TGFA: variants seen among roughly 807,000 people sequenced by gnomAD.
TGFA encodes the protein protransforming growth factor alpha.
A neutral mutation model predicts 21.7 loss-of-function variants in TGFA; 12 were observed. The ratio of observed to expected loss-of-function variants is 0.55; its 90% CI spans 0.35 to 0.90. The LOEUF (loss-of-function observed/expected upper bound fraction) is 0.90, where lower values mean the gene tolerates loss of function less well. TGFA is among the 40% of genes least tolerant of loss of function. The pLI is 0.01. For missense variants in TGFA, 178 were observed against 210.8 expected (o/e 0.84, Z 0.96); for synonymous variants, 79 against 88.1 (o/e 0.90, Z 0.58).
In TGFA at chr2:70,453,204, AAG is replaced by A. The variant is rs1553489935; in HGVS notation, c.475+12_475+13del. On this transcript the variant is annotated intron_variant, in intron 5 of 5. Coordinates refer to ENST00000295400, the MANE Select transcript of TGFA (RefSeq NM_003236.4). ...CACCCAATAGTGTCTCCCACCAGAG[AAG>A]AGTCTCCTTACCTGTTTCTGAGTGG... 23 of 1,609,368 alleles carry A rather than the reference AAG, an allele frequency of 1.4e-5. No individual in the cohort carries two copies. The highest frequency in any genetic ancestry group is 2.0e-5 in the Non-Finnish European group (23 of 1,176,066).
At chr2:70,493,031 C>T (rs1425890713) in intron 2 of TGFA, among the ~76,000 whole-genome samples, 1 of 152,110 alleles carries the variant, frequency 6.6e-6, no homozygotes, top group Admixed American at 6.5e-5. Flanking sequence ...ATGAAAACTA[C>T]ATGTATATAT....
intron 1 of TGFA, among the ~76,000 whole-genome samples, chr2:70,527,644 AT>A (rs1672679304): frequency 6.6e-6 from 1 of 152,260 alleles, no homozygotes; most frequent in Non-Finnish European, 1.5e-5. Context: ...TTAGTTAATA[AT>A]GTACCAAAAT....
chr2:70,456,992 T>C (rs1353611092), intron 3 of TGFA, among the ~76,000 whole-genome samples: 3 of 152,212 alleles, frequency 2.0e-5, no homozygotes, highest in African/African-American at 7.2e-5. Flanking sequence ...TCAGCATGAC[T>C]ACCTGGTCAT....
intron 2 of TGFA, among the ~76,000 whole-genome samples, chr2:70,476,990 T>A (rs1670954651): frequency 6.6e-6 from 1 of 152,254 alleles, no homozygotes; most frequent in Admixed American, 6.5e-5. Flanking sequence ...CGCAATTATT[T>A]TTTTTTATAA....
intron 4 of TGFA, among the ~76,000 whole-genome samples, chr2:70,456,123 C>CAG (rs1268777960): frequency 1.3e-5 from 2 of 152,372 alleles, no homozygotes; most frequent in Admixed American, 1.3e-4. Flanking sequence ...ACCAACCCCC[C>CAG]AGCTGGGGAT....
At chr2:70,484,048 A>G (rs1287014782) in intron 2 of TGFA, among the ~76,000 whole-genome samples, 1 of 152,182 alleles carries the variant, frequency 6.6e-6, no homozygotes, top group Non-Finnish European at 1.5e-5. Flanking sequence ...TTGTGGGATC[A>G]CATGTGGTTT....
chr2:70,512,850 C>T (rs569993397), intron 2 of TGFA, among the ~76,000 whole-genome samples: 1 of 152,340 alleles, frequency 6.6e-6, no homozygotes, highest in Admixed American at 6.5e-5. Context: ...AGTGTCAGCA[C>T]TTGCCATCAT....
intron 3 of TGFA, among the ~76,000 whole-genome samples, chr2:70,460,537 G>A (rs989189616): frequency 2.0e-5 from 3 of 152,162 alleles, no homozygotes; most frequent in Admixed American, 1.3e-4. Context: ...CCTCAGGTAG[G>A]CGTTGGTTCT....
chr2:70,507,374 G>A (rs1374271740), intron 2 of TGFA, among the ~76,000 whole-genome samples: 1 of 152,192 alleles, frequency 6.6e-6, no homozygotes, highest in African/African-American at 2.4e-5. Flanking sequence ...CTGTATTTTT[G>A]CATCTGTGTA....
At chr2:70,501,319 C>T (rs1553499121) in intron 2 of TGFA, among the ~76,000 whole-genome samples, 5 of 151,450 alleles carry the variant, frequency 3.3e-5, no homozygotes, top group Non-Finnish European at 7.4e-5. Context: ...GGACAGCCTG[C>T]ATCCTTCCTA....
chr2:70,456,533 T>G (rs1553490621), intron 3 of TGFA, 45 bp from the exon 4 acceptor site: 1 of 1,558,300 alleles, frequency 6.4e-7, no homozygotes, highest in South Asian at 1.2e-5. Flanking sequence ...ACAAAAGGTC[T>G]TGTTACCCTA....
chr2:70,519,933 C>T (rs984489451), intron 1 of TGFA, among the ~76,000 whole-genome samples: 3 of 152,208 alleles, frequency 2.0e-5, no homozygotes, highest in Admixed American at 2.0e-4. Flanking sequence ...CTGGCTCTGC[C>T]ACTCCTTCAC....
chr2:70,454,380 G>A (rs1348236428), intron 4 of TGFA, among the ~76,000 whole-genome samples: 5 of 152,234 alleles, frequency 3.3e-5, no homozygotes, highest in Admixed American at 2.0e-4. Flanking sequence ...AGACCTTCCT[G>A]CCCAAGCTGC....
chr2:70,547,916 C>G (rs1198740419), intron 1 of TGFA, among the ~76,000 whole-genome samples: 1 of 149,926 alleles, frequency 6.7e-6, no homozygotes, highest in Non-Finnish European at 1.5e-5. Flanking sequence ...ATAGATCCAT[C>G]AGGTTCTAAA....
At chr2:70,500,417 G>C (rs1394925405) in intron 2 of TGFA, among the ~76,000 whole-genome samples, 5 of 151,872 alleles carry the variant, frequency 3.3e-5, no homozygotes, top group Middle Eastern at 3.2e-3. Context: ...CCTGGTTCAG[G>C]GGCTACATTC....
intron 2 of TGFA, among the ~76,000 whole-genome samples, chr2:70,468,994 G>A (rs2103709882): frequency 6.6e-6 from 1 of 152,258 alleles, no homozygotes; most frequent in South Asian, 2.1e-4. Context: ...GGGGGCTGCT[G>A]GGCTAGTGGA....
chr2:70,503,319 C>T (rs7597433), intron 2 of TGFA, among the ~76,000 whole-genome samples: 13,068 of 149,764 alleles, frequency 0.087, 1,239 homozygotes, highest in African/African-American at 0.24. Flanking sequence ...CAAACTATCA[C>T]AAGGACAAAA....
At chr2:70,539,390 A>G (rs1553504914) in intron 1 of TGFA, among the ~76,000 whole-genome samples, 1 of 101,778 alleles carries the variant, frequency 9.8e-6, no homozygotes, top group Non-Finnish European at 2.1e-5. Flanking sequence ...AAGCAATCCA[A>G]TGGAAGAAAA....
chr2:70,467,987 C>T (rs1372798878), intron 2 of TGFA, among the ~76,000 whole-genome samples: 3 of 152,186 alleles, frequency 2.0e-5, no homozygotes, highest in African/African-American at 7.2e-5. Context: ...GCCTCTGCAG[C>T]TACAAGACAG....
Sources: allele counts gnomAD v4.1 joint callset (sites outside exome capture counted in the v4.1 genomes callset), GRCh38; gene constraint gnomAD v4.1.1; transcripts MANE v1.5; gene names NCBI Gene and HGNC (gene_info 2026-07-23, HGNC 2026-07-21).